Variants in SHANK2 observed in about 807,000 individuals in gnomAD.
SHANK2 encodes SH3 and multiple ankyrin repeat domains protein 2.
A neutral mutation model predicts 133.7 loss-of-function variants in SHANK2; 43 were observed. That is an observed-to-expected ratio of 0.32 (90% CI 0.25 to 0.41). SHANK2 has a LOEUF of 0.41. Among genes scored for constraint, SHANK2 ranks in the 10% least tolerant of loss-of-function variants. SHANK2 has a pLI of 1.00. For synonymous variants in SHANK2, 1,017 were observed against 952.8 expected (o/e 1.07, Z -1.24); for missense variants, 1,994 against 2,235.8 (o/e 0.89, Z 2.18).
intron 14 of SHANK2, among the ~76,000 whole-genome samples, chr11:70,754,562 A>G (rs543147048): frequency 2.9e-4 from 44 of 152,324 alleles, no homozygotes; most frequent in African/African-American, 9.9e-4. Context: ...CATAGGTGAC[A>G]GCCTCCCCCC....
chr11:70,545,352 C>T (rs1166287530), intron 17 of SHANK2, among the ~76,000 whole-genome samples: 2 of 152,246 alleles, frequency 1.3e-5, no homozygotes, highest in African/African-American at 4.8e-5. Flanking sequence ...CCCTGACTCA[C>T]TGCAGCCTTT....
At chr11:70,799,123 C>T (rs1487005275) in intron 13 of SHANK2, among the ~76,000 whole-genome samples, 5 of 151,784 alleles carry the variant, frequency 3.3e-5, no homozygotes, top group South Asian at 2.1e-4. Context: ...GAGGTCTGGG[C>T]GCGGTGGCTC....
rs1439704757 is a variant in SHANK2 at position 71,082,136 on chromosome 11, GT to G, written c.913-6862del. Among the ~76,000 whole-genome samples the G allele has an allele frequency of 2.5e-3, 378 of 152,332 alleles. 3 individuals are homozygous for G. Among genetic ancestry groups the G allele is most frequent in the Middle Eastern group, 0.01 (3 of 294 alleles). On this transcript the variant is annotated intron_variant, in intron 8 of 25. Transcript: ENST00000601538. ...GGTCACCTGCCAGCACCACAGCCTG[GT>G]TCCAACACTGCTCCCACGTCCCCTG...
intron 17 of SHANK2, among the ~76,000 whole-genome samples, chr11:70,574,547 A>T (rs1554983821): frequency 6.6e-6 from 1 of 152,064 alleles, no homozygotes; most frequent in Non-Finnish European, 1.5e-5. Flanking sequence ...ACACATTTGC[A>T]CTTTGCCAGG....
chr11:70,855,196 G>A (rs560460742), intron 11 of SHANK2, among the ~76,000 whole-genome samples: 3 of 152,326 alleles, frequency 2.0e-5, no homozygotes, highest in South Asian at 2.1e-4. Context: ...TTCCCTGCAC[G>A]TTCTCCTCCC....
intron 6 of SHANK2, among the ~76,000 whole-genome samples, chr11:71,102,580 C>T (rs1441252944): frequency 6.6e-6 from 1 of 152,220 alleles, no homozygotes; most frequent in Non-Finnish European, 1.5e-5. Context: ...AGTCACCAAA[C>T]TCACTGTGGA....
chr11:70,858,118 G>A (rs1949199186), intron 11 of SHANK2, among the ~76,000 whole-genome samples: 1 of 152,216 alleles, frequency 6.6e-6, no homozygotes, highest in African/African-American at 2.4e-5. Flanking sequence ...AATTTAGGGT[G>A]AGGGTTGTAC....
intron 17 of SHANK2, among the ~76,000 whole-genome samples, chr11:70,609,684 T>C (rs2060629219): frequency 6.6e-6 from 1 of 151,368 alleles, no homozygotes; most frequent in Non-Finnish European, 1.5e-5. Flanking sequence ...TTGTATCTTG[T>C]ATATACTGTA....
At chr11:71,113,238 A>G in intron 5 of SHANK2, 55 bp downstream of exon 5, 1 of 1,450,160 alleles carries the variant, frequency 6.9e-7, no homozygotes. Flanking sequence ...ACAACAAGAT[A>G]ACAAGGAGGA....
chr11:70,476,921 C>T (rs2058671561), intron 25 of SHANK2, among the ~76,000 whole-genome samples: 1 of 152,230 alleles, frequency 6.6e-6, no homozygotes, highest in Non-Finnish European at 1.5e-5. Flanking sequence ...CAGTATTCAC[C>T]ACGGGTATCT....
intron 2 of SHANK2, among the ~76,000 whole-genome samples, chr11:71,211,173 T>C (rs377486189): frequency 3.3e-5 from 5 of 149,660 alleles, no homozygotes; most frequent in African/African-American, 1.2e-4. Flanking sequence ...CAGCACACTG[T>C]GTCCTATTGG....
At chr11:71,166,870 A>G (rs2135487617) in intron 2 of SHANK2, among the ~76,000 whole-genome samples, 3 of 139,948 alleles carry the variant, frequency 2.1e-5, no homozygotes, top group Non-Finnish European at 4.7e-5. Context: ...ACAATAGTGG[A>G]GGGAAGGTCA....
intron 2 of SHANK2, among the ~76,000 whole-genome samples, chr11:71,163,773 G>A (rs553493564): frequency 4.6e-5 from 7 of 152,268 alleles, no homozygotes; most frequent in South Asian, 2.1e-4. Flanking sequence ...AGTGAAATTC[G>A]GATCAATTCA....
At chr11:70,855,936 G>A (rs1949162451) in intron 11 of SHANK2, among the ~76,000 whole-genome samples, 1 of 152,132 alleles carries the variant, frequency 6.6e-6, no homozygotes. Flanking sequence ...CATGGATAGA[G>A]AGATGGAAGG....
chr11:71,056,050 G>T (rs1231982910), intron 10 of SHANK2, among the ~76,000 whole-genome samples: 2 of 152,148 alleles, frequency 1.3e-5, no homozygotes, highest in African/African-American at 2.4e-5. Flanking sequence ...ATTGGCTGGG[G>T]TTGTTCTCCC....
intron 17 of SHANK2, among the ~76,000 whole-genome samples, chr11:70,531,832 G>A (rs1188326931): frequency 1.3e-5 from 2 of 152,094 alleles, no homozygotes; most frequent in Non-Finnish European, 1.5e-5. Context: ...CGGGGTCCTT[G>A]CAGCTCCACT....
At chr11:70,888,402 G>A (rs938919770) in intron 11 of SHANK2, among the ~76,000 whole-genome samples, 4 of 152,132 alleles carry the variant, frequency 2.6e-5, no homozygotes, top group African/African-American at 9.7e-5. Context: ...GAAAATGTTC[G>A]AGTCAGATAA....
intron 9 of SHANK2, among the ~76,000 whole-genome samples, chr11:71,063,398 C>A (rs1951011510): frequency 6.6e-6 from 1 of 152,180 alleles, no homozygotes; most frequent in South Asian, 2.1e-4. Context: ...ATGATACCTC[C>A]ATGTATGTAT....
chr11:70,653,856 A>C (rs2061370948), intron 17 of SHANK2, among the ~76,000 whole-genome samples: 1 of 151,846 alleles, frequency 6.6e-6, no homozygotes, highest in South Asian at 2.1e-4. Flanking sequence ...CTGGTCTCGA[A>C]CTCCTGACCT....
Sources: allele counts gnomAD v4.1 joint callset (sites outside exome capture counted in the v4.1 genomes callset), GRCh38; gene constraint gnomAD v4.1.1; transcripts MANE v1.5; gene names NCBI Gene and HGNC (gene_info 2026-07-23, HGNC 2026-07-21).